Variants in PRIM2 observed in about 807,000 individuals in gnomAD.
The protein encoded by PRIM2 is DNA primase large subunit.
Under a neutral mutation model 67.3 loss-of-function variants are expected in PRIM2, and 39 were observed. The observed-to-expected ratio is 0.58, with a 90% CI of 0.45 to 0.76. The LOEUF (loss-of-function observed/expected upper bound fraction) is 0.76. Ranked by LOEUF, PRIM2 falls within the 30% of genes least tolerant of loss-of-function variation. PRIM2 has a pLI of 0.00. For synonymous variants in PRIM2, 143 were observed against 198.7 expected, an observed-to-expected ratio of 0.72 and a Z score of 2.36; for missense variants, 398 against 598.7, an observed-to-expected ratio of 0.66 and a Z score of 3.50.
At chr6:57,243,555 G>A in the PRIM2 span, among the ~76,000 whole-genome samples, 7 of 152,096 alleles carry the variant, frequency 4.6e-5, no homozygotes, top group African/African-American at 1.7e-4. Context: ...TGCAACCTCC[G>A]CCTGCCGGGT....
At chr6:57,501,045 G>A (rs1774119769) in intron 7 of PRIM2, among the ~76,000 whole-genome samples, 1 of 152,044 alleles carries the variant, frequency 6.6e-6, no homozygotes, top group African/African-American at 2.4e-5. Flanking sequence ...CTTTCCTCTT[G>A]CTTTTCCTAG....
At chr6:57,372,508 T>G (rs528590130) in intron 5 of PRIM2, among the ~76,000 whole-genome samples, 1 of 152,298 alleles carries the variant, frequency 6.6e-6, no homozygotes, top group South Asian at 2.1e-4. Context: ...TCTACTAGAT[T>G]GACACAACTA....
chr6:57,502,348 A>C (rs1554346945), intron 7 of PRIM2, among the ~76,000 whole-genome samples: 28 of 152,080 alleles, frequency 1.8e-4, no homozygotes, highest in Non-Finnish European at 3.7e-4. Context: ...CAGTTTCCAC[A>C]CAACAGTTTA....
chr6:57,577,524 G>A (rs1290718673), intron 10 of PRIM2, among the ~76,000 whole-genome samples: 1 of 151,598 alleles, frequency 6.6e-6, no homozygotes, highest in African/African-American at 2.4e-5. Context: ...CCACCTCTGG[G>A]TTCAAGCGAT....
At chr6:57,621,386 T>C (rs1196154427) in intron 12 of PRIM2, among the ~76,000 whole-genome samples, 4 of 152,206 alleles carry the variant, frequency 2.6e-5, no homozygotes, top group Admixed American at 2.6e-4. Context: ...CTCTTAATAC[T>C]AGCAGATTTG....
At chr6:57,594,462 G>A (rs1448669052) in intron 10 of PRIM2, among the ~76,000 whole-genome samples, 3 of 152,224 alleles carry the variant, frequency 2.0e-5, no homozygotes, top group Non-Finnish European at 4.4e-5. Context: ...CAGACATATA[G>A]ATCAGTGGGG....
chr6:57,395,057 G>A (rs1373496185), intron 7 of PRIM2, among the ~76,000 whole-genome samples: 5 of 152,034 alleles, frequency 3.3e-5, no homozygotes, highest in Admixed American at 2.0e-4. Context: ...TGTTGTATTC[G>A]GTTAGCTAGT....
intron 12 of PRIM2, among the ~76,000 whole-genome samples, chr6:57,609,994 G>A (rs1776634415): frequency 2.0e-5 from 3 of 152,152 alleles, no homozygotes; most frequent in Admixed American, 2.0e-4. Context: ...TGTATGTAAG[G>A]TAGAACTCCA....
At chr6:57,568,468 A>G (rs1156725196) in intron 10 of PRIM2, among the ~76,000 whole-genome samples, 2 of 152,144 alleles carry the variant, frequency 1.3e-5, no homozygotes, top group Non-Finnish European at 2.9e-5. Context: ...AACCCCTACT[A>G]TTTATTATTT....
At chr6:57,641,590 G>C (rs1434794820) in intron 13 of PRIM2, among the ~76,000 whole-genome samples, 4 of 152,044 alleles carry the variant, frequency 2.6e-5, no homozygotes, top group African/African-American at 9.7e-5. Flanking sequence ...CAGACACTTC[G>C]CAAAAGAAGA....
rs1293589813 is a variant in PRIM2, at chr6:57,612,200, C to A, written c.1230+5743C>A. Among the ~76,000 whole-genome samples, 26 of 152,254 alleles carry A rather than the reference C, an allele frequency of 1.7e-4. No individual in the cohort carries two copies. In the East Asian group the frequency reaches 4.8e-3, roughly 28 times the overall value. ...GCAATTTCTTATAAAGTGAAGCTTA[C>A]ACATGCTATGTGACACAGTGATACC... On this transcript the variant is annotated intron_variant, in intron 12 of 13. Transcript: ENST00000615550.
At chr6:57,602,708 G>T in intron 11 of PRIM2, among the ~76,000 whole-genome samples, 1 of 152,250 alleles carries the variant, frequency 6.6e-6, no homozygotes, top group East Asian at 1.9e-4. Context: ...CTGTTAAGTT[G>T]TATCTTGTTA....
chr6:57,440,654 C>T (rs564523549), intron 7 of PRIM2, among the ~76,000 whole-genome samples: 1 of 152,300 alleles, frequency 6.6e-6, no homozygotes, highest in African/African-American at 2.4e-5. Context: ...CTAACCCAGT[C>T]TTCATGAAAT....
At chr6:57,319,614 T>C (rs1767583839) in intron 2 of PRIM2, among the ~76,000 whole-genome samples, 1 of 152,194 alleles carries the variant, frequency 6.6e-6, no homozygotes. Flanking sequence ...TGAACTATGA[T>C]AATGACAATG....
At chr6:57,234,863 A>G in the PRIM2 span, among the ~76,000 whole-genome samples, 1 of 152,154 alleles carries the variant, frequency 6.6e-6, no homozygotes, top group Admixed American at 6.6e-5. Context: ...ACTGAAGTTT[A>G]TCTGTAACAA....
At chr6:57,590,338 T>C (rs1315657224) in intron 10 of PRIM2, among the ~76,000 whole-genome samples, 1 of 152,100 alleles carries the variant, frequency 6.6e-6, no homozygotes, top group Non-Finnish European at 1.5e-5. Flanking sequence ...AAATAAGAGA[T>C]AGTAGTTAAA....
chr6:57,540,659 AATCTATTGC>A (rs1775128984), intron 10 of PRIM2, among the ~76,000 whole-genome samples: 4 of 152,174 alleles, frequency 2.6e-5, no homozygotes, highest in Non-Finnish European at 4.4e-5. Flanking sequence ...GATATACAGA[AATCTATTGC>A]AAAAAGTTAA....
intron 7 of PRIM2, among the ~76,000 whole-genome samples, chr6:57,393,811 C>T (rs1052525299): frequency 1.3e-5 from 2 of 151,656 alleles, no homozygotes; most frequent in Admixed American, 6.6e-5. Flanking sequence ...GGTTTAAGTC[C>T]TTAATCCATC....
chr6:57,358,152 A>T (rs1769093422), intron 5 of PRIM2, among the ~76,000 whole-genome samples: 1 of 152,222 alleles, frequency 6.6e-6, no homozygotes, highest in African/African-American at 2.4e-5. Flanking sequence ...TGTAAAGTTT[A>T]AATTCTCAGT....
Sources: gnomAD v4.1 joint callset for allele counts (sites outside exome capture counted in the v4.1 genomes callset) on GRCh38, gnomAD v4.1.1 for gene constraint, MANE v1.5 for transcripts, NCBI Gene and HGNC (gene_info 2026-07-23, HGNC 2026-07-21) for gene names.